AKAP19: variants seen among roughly 807,000 people sequenced by gnomAD.
AKAP19 encodes the protein small A-kinase anchoring protein.
chr2:190,171,166 T>A, the AKAP19 span, among the ~76,000 whole-genome samples: 1 of 151,848 alleles, frequency 6.6e-6, no homozygotes, highest in Non-Finnish European at 1.5e-5. Context: ...GGGTTATCCA[T>A]AAATTGCCTC....
At chr2:189,956,749 AT>A in the AKAP19 span, among the ~76,000 whole-genome samples, 1 of 151,896 alleles carries the variant, frequency 6.6e-6, no homozygotes. Flanking sequence ...TGACTAATTA[AT>A]TTTTTAATTT....
At chr2:190,048,910 AATTAAAG>A in the AKAP19 span, among the ~76,000 whole-genome samples, 1 of 152,224 alleles carries the variant, frequency 6.6e-6, no homozygotes, top group African/African-American at 2.4e-5. Flanking sequence ...AGTTGAGATG[AATTAAAG>A]ATTTTAAAAG....
chr2:190,155,581 C>A, the AKAP19 span, among the ~76,000 whole-genome samples: 1 of 152,258 alleles, frequency 6.6e-6, no homozygotes. Context: ...AGGAAACAAA[C>A]TTCATCTTTT....
chr2:189,956,232 G>C, the AKAP19 span, among the ~76,000 whole-genome samples: 115 of 128,890 alleles, frequency 8.9e-4, no homozygotes, highest in Non-Finnish European at 1.2e-3. Context: ...TGCAGTGGCG[G>C]GATCTCGGCT....
chr2:189,943,076 T>C, the AKAP19 span, among the ~76,000 whole-genome samples: 1 of 152,218 alleles, frequency 6.6e-6, no homozygotes, highest in Non-Finnish European at 1.5e-5. Context: ...CAGTTATTCA[T>C]GCAGCTAAAA....
chr2:190,049,834 G>A, the AKAP19 span, among the ~76,000 whole-genome samples: 4 of 152,112 alleles, frequency 2.6e-5, no homozygotes, highest in Admixed American at 6.6e-5. Flanking sequence ...TAGCATGTGT[G>A]TACACACATG....
chr2:189,941,517 A>G, the AKAP19 span, among the ~76,000 whole-genome samples: 1 of 152,210 alleles, frequency 6.6e-6, no homozygotes, highest in Non-Finnish European at 1.5e-5. Flanking sequence ...TTTTGTTTTT[A>G]ATTTTTGTTT....
chr2:190,056,142 A>G, the AKAP19 span: 4 of 152,528 alleles, frequency 2.6e-5, no homozygotes, highest in African/African-American at 4.8e-5. Context: ...TAAGACCACT[A>G]TTTAATCTGC....
chr2:190,039,828 C>T, the AKAP19 span, among the ~76,000 whole-genome samples: 1 of 152,176 alleles, frequency 6.6e-6, no homozygotes, highest in African/African-American at 2.4e-5. Flanking sequence ...CAGCTCCATC[C>T]ATGTTCCTGC....
the AKAP19 span, among the ~76,000 whole-genome samples, chr2:189,932,975 G>A: frequency 6.6e-6 from 1 of 152,076 alleles, no homozygotes; most frequent in African/African-American, 2.4e-5. Flanking sequence ...ATCATATATT[G>A]CCGGTAGCTC....
chr2:190,047,315 CT>C, the AKAP19 span, among the ~76,000 whole-genome samples: 1 of 152,066 alleles, frequency 6.6e-6, no homozygotes, highest in Non-Finnish European at 1.5e-5. Context: ...CCATTTATTC[CT>C]TCTTACTTAT....
the AKAP19 span, among the ~76,000 whole-genome samples, chr2:190,058,152 A>G: frequency 2.0e-5 from 3 of 152,076 alleles, no homozygotes; most frequent in Non-Finnish European, 2.9e-5. Context: ...ATAGGGAAGG[A>G]CAAATTCAGA....
At chr2:190,032,971 C>T in the AKAP19 span, among the ~76,000 whole-genome samples, 15 of 151,906 alleles carry the variant, frequency 9.9e-5, no homozygotes, top group African/African-American at 2.9e-4. Context: ...TATGTACAAG[C>T]GAGTCAGAAA....
At chr2:189,905,580 A>G in the AKAP19 span, among the ~76,000 whole-genome samples, 1 of 152,022 alleles carries the variant, frequency 6.6e-6, no homozygotes, top group South Asian at 2.1e-4. Flanking sequence ...TGAATTCATT[A>G]CCAGTATTGA....
chr2:190,056,959 A>C, the AKAP19 span: 1 of 336,902 alleles, frequency 3.0e-6, no homozygotes, highest in Non-Finnish European at 5.5e-6. Flanking sequence ...TCAGAACTCA[A>C]GGAGAATCGC....
the AKAP19 span, chr2:190,057,101 A>T: frequency 1.4e-6 from 1 of 719,054 alleles, no homozygotes; most frequent in Admixed American, 2.9e-5. Context: ...CAACCATTGC[A>T]TATATTCCCC....
chr2:190,067,326 T>G, the AKAP19 span, among the ~76,000 whole-genome samples: 1 of 152,150 alleles, frequency 6.6e-6, no homozygotes, highest in Admixed American at 6.5e-5. Context: ...GGAAGAGACT[T>G]GGGAAGCACC....
chr2:189,910,439 T>C, the AKAP19 span, among the ~76,000 whole-genome samples: 1 of 152,012 alleles, frequency 6.6e-6, no homozygotes, highest in Non-Finnish European at 1.5e-5. Context: ...CCGAATACTT[T>C]CCTGAGAGTG....
the AKAP19 span, among the ~76,000 whole-genome samples, chr2:190,136,932 C>CA: frequency 6.6e-6 from 1 of 152,002 alleles, no homozygotes; most frequent in African/African-American, 2.4e-5. Flanking sequence ...GTGCTTTTGG[C>CA]AAAAATGGGA....
Sources: allele counts gnomAD v4.1 joint callset (sites outside exome capture counted in the v4.1 genomes callset), GRCh38; gene constraint gnomAD v4.1.1; transcripts MANE v1.5; gene names NCBI Gene and HGNC (gene_info 2026-07-23, HGNC 2026-07-21).